Variants in ZFP14 observed in about 807,000 individuals in gnomAD.
The protein encoded by ZFP14 is ZFP14 zinc finger protein, also known as zinc finger protein 14 homolog.
ZFP14 carries 22 observed loss-of-function variants against 54.5 expected under a neutral mutation model. The ratio of observed to expected loss-of-function variants is 0.40; its 90% CI spans 0.29 to 0.58. The LOEUF (loss-of-function observed/expected upper bound fraction) is 0.58, where lower values mean the gene tolerates loss of function less well. ZFP14 is among the 20% of genes least tolerant of loss of function. The pLI, the probability that ZFP14 is intolerant of heterozygous loss-of-function variation, is 0.39. For synonymous variants in ZFP14, 159 were observed against 204.0 expected, an observed-to-expected ratio of 0.78 and a Z score of 1.88; for missense variants, 470 against 637.8, an observed-to-expected ratio of 0.74 and a Z score of 2.83.
intron 2 of ZFP14, among the ~76,000 whole-genome samples, chr19:36,364,462 G>A (rs1474882721): frequency 1.3e-5 from 2 of 152,158 alleles, no homozygotes; most frequent in East Asian, 3.9e-4. Context: ...ATTAGGTTGA[G>A]GACGACGAGG....
rs1326632859 is a variant in ZFP14, at chr19:36,336,714, G to C, written c.*3510C>G. ...AATAAGATTTCCTTACCACATTACA[G>C]GGCATTAATTTGTCACTGAACAGAA... On this transcript the variant is annotated 3_prime_UTR_variant, in exon 5 of 5. Transcript: ENST00000270001. 4 of 152,182 alleles carry C rather than the reference G, an allele frequency of 2.6e-5. No homozygotes were observed. The highest frequency in any genetic ancestry group is 5.9e-5 in the Non-Finnish European group (4 of 68,042). The allele number at this position is 152,182 out of a possible 1,614,324, so 9.4% of individuals were successfully genotyped here.
chr19:36,363,908 T>C (rs1192577165), intron 2 of ZFP14, among the ~76,000 whole-genome samples: 3 of 151,790 alleles, frequency 2.0e-5, no homozygotes, highest in African/African-American at 7.3e-5. Flanking sequence ...TAGAATCACT[T>C]GAACCCAGGA....
intron 4 of ZFP14, among the ~76,000 whole-genome samples, chr19:36,345,552 T>C (rs1378624476): frequency 6.6e-6 from 1 of 152,008 alleles, no homozygotes; most frequent in Non-Finnish European, 1.5e-5. Context: ...AAATCGAAAA[T>C]GCTGAATGAA....
At chr19:36,361,190 T>G (rs959839162) in intron 3 of ZFP14, among the ~76,000 whole-genome samples, 1 of 152,176 alleles carries the variant, frequency 6.6e-6, no homozygotes, top group Admixed American at 6.5e-5. Flanking sequence ...AATTTTCAAT[T>G]ACAAAGTAGG....
At chr19:36,365,218 C>T (rs542851733) in intron 2 of ZFP14, among the ~76,000 whole-genome samples, 6 of 152,128 alleles carry the variant, frequency 3.9e-5, no homozygotes, top group African/African-American at 1.2e-4. Flanking sequence ...TCAATTCCAT[C>T]CCTCCAACTA....
chr19:36,365,284 C>G (rs78430054), intron 2 of ZFP14, among the ~76,000 whole-genome samples: 7,109 of 152,276 alleles, frequency 0.047, 217 homozygotes, highest in Non-Finnish European at 0.066. Context: ...TCAGTACACA[C>G]ACAACATCTT....
intron 2 of ZFP14, chr19:36,362,933 C>T (rs775041400): frequency 6.5e-4 from 126 of 194,574 alleles, no homozygotes; most frequent in Non-Finnish European, 1.2e-3. Context: ...AAAATTCGTT[C>T]GATGGCAGTC....
intron 2 of ZFP14, among the ~76,000 whole-genome samples, chr19:36,365,327 A>C (rs1262831343): frequency 1.3e-5 from 2 of 152,016 alleles, no homozygotes; most frequent in African/African-American, 2.4e-5. Context: ...TCTTTTACTA[A>C]ATTCATTTTT....
intron 1 of ZFP14, among the ~76,000 whole-genome samples, chr19:36,371,541 G>A (rs2031877193): frequency 1.3e-5 from 2 of 152,062 alleles, no homozygotes; most frequent in African/African-American, 4.8e-5. Context: ...CAGTTGGATG[G>A]AAAAAAGGAT....
intron 4 of ZFP14, among the ~76,000 whole-genome samples, chr19:36,343,729 G>A (rs2031364117): frequency 6.6e-6 from 1 of 152,172 alleles, no homozygotes; most frequent in African/African-American, 2.4e-5. Flanking sequence ...GACTGCATCT[G>A]GTGAGAGCCT....
chr19:36,355,748 CACA>C lies in ZFP14; in HGVS notation c.235+4684_235+4686del, dbSNP rs555532306. 3.2e-4 allele frequency among the ~76,000 whole-genome samples: 45 copies of C among 141,264 alleles called. 4 individuals carry two copies. The South Asian group carries it at 9.6e-3, about 30-fold the overall frequency. The allele number at this position is 141,264 out of a possible 152,430, so 92.7% of individuals were successfully genotyped here. ...TTTCTCTCTCTGTGTCATATGAGGACACAACAAGAAGGCAGCTGCCTGCAAGCC... is the reference window on the plus strand; with the variant it reads ...TTTCTCTCTCTGTGTCATATGAGGACACAAGAAGGCAGCTGCCTGCAAGCC... On this transcript the variant is annotated intron_variant, in intron 4 of 4. Coordinates refer to ENST00000270001, the MANE Select transcript of ZFP14 (RefSeq NM_020917.3).
At chr19:36,346,961 T>C (rs185117840) in intron 4 of ZFP14, among the ~76,000 whole-genome samples, 1 of 152,342 alleles carries the variant, frequency 6.6e-6, no homozygotes, top group Admixed American at 6.5e-5. Context: ...GTACACTTAT[T>C]GCCCACGATG....
chr19:36,345,539 A>T (rs988120841), intron 4 of ZFP14, among the ~76,000 whole-genome samples: 1 of 152,192 alleles, frequency 6.6e-6, no homozygotes, highest in Non-Finnish European at 1.5e-5. Flanking sequence ...ACTTTCATGA[A>T]GAAAATCGAA....
At position 36,341,275 on chromosome 19, in the gene ZFP14, C is replaced by A. The variant is rs751723890; in HGVS notation, c.551G>T (p.Arg184Leu). ...TCTCAGGTGTTGACTAAGTGTTGAG[C>A]GACGAATAAAGGTCTTCCTACACTC... is the stretch of plus-strand genomic sequence containing the variant. ...CKECRKTFIR[R>L]STLSQHLRIH... Residue 184 changes from arginine to leucine, a missense_variant, in exon 5 of 5, where the codon CGC becomes CTC. By Grantham distance (102) the Arg-to-Leu change is moderately radical. Coordinates refer to ENST00000270001, the MANE Select transcript of ZFP14 (RefSeq NM_020917.3). The surrounding 1 kb of genome is among the most constrained non-coding windows in gnomAD (Gnocchi z 4.2). 3.7e-6 allele frequency: 6 copies of A among 1,614,014 alleles called. No homozygotes were observed. In the Admixed American group the frequency reaches 5.0e-5, roughly 13 times the overall value.
At chr19:36,349,476 G>A (rs2031485558) in intron 4 of ZFP14, among the ~76,000 whole-genome samples, 1 of 149,946 alleles carries the variant, frequency 6.7e-6, no homozygotes, top group African/African-American at 2.4e-5. Context: ...CCCAGCCTGG[G>A]CAACATGGCA....
At position 36,341,587 on chromosome 19, in the gene ZFP14, A is replaced by G. The variant is rs750581197; in HGVS notation, c.239T>C (p.Leu80Ser). The G allele has an allele frequency of 3.4e-5, 52 of 1,551,816 alleles. No individual in the cohort carries two copies. Among genetic ancestry groups the G allele is most frequent in the Non-Finnish European group, 4.2e-5 (48 of 1,154,576 alleles). ...REGTRRYCPD[L>S]ESRYRTNTLS... ...AGTATTGGTCCTGTATCTGGACTCC[A>G]AATCTGAAAGAAAACAAGAAAGCAA... is the stretch of plus-strand genomic sequence containing the variant. The change falls in exon 5 of 5, where the codon TTG (leucine) becomes TCG (serine). Residue 80 changes from leucine to serine, a missense_variant. Coordinates refer to ENST00000270001, the MANE Select transcript of ZFP14 (RefSeq NM_020917.3). The surrounding 1 kb of genome is among the most constrained non-coding windows in gnomAD (Gnocchi z 4.2).
At chr19:36,362,500 C>CA (rs1350573700) in intron 2 of ZFP14, among the ~76,000 whole-genome samples, 1 of 151,892 alleles carries the variant, frequency 6.6e-6, no homozygotes, top group Non-Finnish European at 1.5e-5. Flanking sequence ...GTACATAACC[C>CA]AAAAAAATCC....
chr19:36,371,142 T>C (rs2031871744), intron 1 of ZFP14, among the ~76,000 whole-genome samples: 1 of 152,042 alleles, frequency 6.6e-6, no homozygotes, highest in South Asian at 2.1e-4. Context: ...TGGGTGCCTG[T>C]AGTCCAGCTA....
chr19:36,369,383 C>T (rs1041946321), intron 1 of ZFP14, among the ~76,000 whole-genome samples: 4 of 151,968 alleles, frequency 2.6e-5, no homozygotes, highest in South Asian at 2.1e-4. Flanking sequence ...CTAAAAAGCC[C>T]GTTTCTTTTT....
Sources: allele counts gnomAD v4.1 joint callset (sites outside exome capture counted in the v4.1 genomes callset), GRCh38; gene constraint gnomAD v4.1.1; non-coding constraint Gnocchi (gnomAD v3.1); transcripts MANE v1.5; gene names NCBI Gene and HGNC (gene_info 2026-07-23, HGNC 2026-07-21).